Variants in TLL2 observed in about 807,000 individuals in gnomAD.
TLL2 encodes tolloid like 2.
Under a neutral mutation model 123.0 loss-of-function variants are expected in TLL2, and 106 were observed. The observed-to-expected ratio is 0.86, with a 90% CI of 0.74 to 1.01. TLL2 has a LOEUF of 1.01. Among genes scored for constraint, TLL2 ranks in the 50% least tolerant of loss-of-function variants. The pLI, the probability that TLL2 is intolerant of heterozygous loss-of-function variation, is 0.00. For missense variants in TLL2, 1,332 were observed against 1,336.7 expected (o/e 1.00, Z 0.06); for synonymous variants, 494 against 516.8 (o/e 0.96, Z 0.60).
intron 19 of TLL2, 36 bp from the exon 20 acceptor site, chr10:96,370,351 A>C (rs1401333364): frequency 6.6e-7 from 1 of 1,518,152 alleles, no homozygotes; most frequent in Non-Finnish European, 8.8e-7. Flanking sequence ...CCCTCAGCAC[A>C]AGACACCCTC....
intron 15 of TLL2, 72 bp from the exon 16 acceptor site, chr10:96,384,839 C>T: frequency 7.0e-7 from 1 of 1,420,692 alleles, no homozygotes; most frequent in Non-Finnish European, 9.4e-7. Flanking sequence ...CACTGCTGCA[C>T]CTGCTTCCTG....
chr10:96,483,696 C>G (rs76068750), intron 1 of TLL2, among the ~76,000 whole-genome samples: 1,613 of 152,124 alleles, frequency 0.011, 47 homozygotes, highest in South Asian at 0.1. Flanking sequence ...GTTGTATATA[C>G]GGGAGGAGAA....
intron 16 of TLL2, among the ~76,000 whole-genome samples, chr10:96,379,847 G>A (rs1846170662): frequency 6.6e-6 from 1 of 152,182 alleles, no homozygotes; most frequent in African/African-American, 2.4e-5. Flanking sequence ...ACAAAAACAA[G>A]TAAGGAAACT....
At chr10:96,491,394 AAAAAGAAAAG>A (rs1564918382) in intron 1 of TLL2, among the ~76,000 whole-genome samples, 1 of 149,168 alleles carries the variant, frequency 6.7e-6, no homozygotes, top group African/African-American at 2.5e-5. Context: ...AAAAAAAAAA[AAAAAGAAAAG>A]AAAAGAAAAG....
chr10:96,495,877 G>A (rs1847469960), intron 1 of TLL2, among the ~76,000 whole-genome samples: 1 of 152,172 alleles, frequency 6.6e-6, no homozygotes, highest in Admixed American at 6.6e-5. Context: ...CAAGCATACG[G>A]CAGAGAGGAG....
In TLL2 at chr10:96,421,057, C is replaced by G. The variant is rs1589418362; in HGVS notation, c.822G>C (p.Gln274His). 6.2e-7 allele frequency: 1 copy of G among 1,613,448 alleles called. No individual in the cohort carries two copies. The highest frequency in any genetic ancestry group is 2.2e-5 in the East Asian group (1 of 44,876). The change falls in exon 7 of 21, where the codon CAG (glutamine) becomes CAC (histidine). Residue 274 changes from glutamine to histidine, a missense_variant. Physicochemically the swap from Gln to His is conservative, Grantham distance 24 (BLOSUM62 0). Transcript: ENST00000357947. Reference protein sequence around the residue: ...TIIRENIQPGQEYNFLKMEAG... With the variant: ...TIIRENIQPGHEYNFLKMEAG... ...CTTCCATTTTTAAGAAATTATACTCCTGACCTGTGACACAACACTGTGTTA... is the reference window on the plus strand; with the variant it reads ...CTTCCATTTTTAAGAAATTATACTCGTGACCTGTGACACAACACTGTGTTA...
chr10:96,430,023 G>A (rs918559601), intron 4 of TLL2, among the ~76,000 whole-genome samples: 1 of 152,184 alleles, frequency 6.6e-6, no homozygotes, highest in Non-Finnish European at 1.5e-5. Context: ...GGAGTTGGAG[G>A]TCTGAGTTCT....
chr10:96,373,212 G>T, intron 19 of TLL2: 1 of 234,162 alleles, frequency 4.3e-6, no homozygotes, highest in South Asian at 6.6e-5. Flanking sequence ...GCACGATCTT[G>T]GCTCACTGCA....
intron 17 of TLL2, 84 bp downstream of exon 17, chr10:96,378,883 T>G (rs10786286): frequency 1 from 1,556,046 of 1,563,596 alleles, 774,559 homozygotes; most frequent in East Asian, 1. Context: ...TCGCCGCACC[T>G]CCTTACTCAT....
In TLL2 at chr10:96,376,763, G is replaced by A; in HGVS notation, c.2377C>T (p.Pro793Ser). The A allele has an allele frequency of 6.9e-6, 11 of 1,597,956 alleles. No individual in the cohort carries two copies. Among genetic ancestry groups the A allele is most frequent in the Non-Finnish European group, 9.4e-6 (11 of 1,173,454 alleles). The stretch of plus-strand genomic sequence containing the variant: ...TCCCTCCGGCTGGGGTATTTGTCAG[G>A]CCAGTTGGGGCTCGCCAGGGTCCCC... ...VEGTLASPNWPDKYPSRRECT... is the reference protein window; with the variant it reads ...VEGTLASPNWSDKYPSRRECT... The change falls in exon 18 of 21, where the codon CCT becomes TCT. Residue 793 changes from proline to serine, a missense_variant. By Grantham distance (74) the Pro-to-Ser change is moderately conservative. Coordinates refer to ENST00000357947, the MANE Select transcript of TLL2 (RefSeq NM_012465.4).
intron 2 of TLL2, among the ~76,000 whole-genome samples, chr10:96,450,599 T>C (rs1176468645): frequency 6.6e-6 from 1 of 152,216 alleles, no homozygotes; most frequent in Non-Finnish European, 1.5e-5. Context: ...GACATGGACT[T>C]GGAGACAGAC....
chr10:96,477,028 T>C (rs1433597329), intron 2 of TLL2, among the ~76,000 whole-genome samples: 1 of 116,732 alleles, frequency 8.6e-6, no homozygotes, highest in East Asian at 2.3e-4. Context: ...TATGAGCTAC[T>C]GGACTTTTTT....
intron 9 of TLL2, among the ~76,000 whole-genome samples, chr10:96,405,589 C>T (rs908779349): frequency 3.3e-5 from 5 of 152,108 alleles, no homozygotes; most frequent in Non-Finnish European, 5.9e-5. Context: ...CTTTTGAAGT[C>T]ACTAGGTGGT....
At chr10:96,387,740 G>T (rs1187109115) in intron 13 of TLL2, among the ~76,000 whole-genome samples, 1 of 152,158 alleles carries the variant, frequency 6.6e-6, no homozygotes, top group Non-Finnish European at 1.5e-5. Flanking sequence ...GCCTAGTGAT[G>T]CGTTTGGGGC....
In TLL2 at chr10:96,422,576, T is replaced by C. The variant is rs763438426; in HGVS notation, c.790A>G (p.Thr264Ala). ...HTRPDRDQHVTIIRENIQPGQ... is the reference protein window; with the variant it reads ...HTRPDRDQHVAIIRENIQPGQ... ...GGCTGGATGTTTTCCCTGATGATGG[T>C]GACATGTTGGTCTCTGTCTGGCCGG... The change falls in exon 6 of 21, where the codon ACC becomes GCC. Residue 264 changes from threonine (T) to alanine (A), a missense_variant. Thr to Ala is a moderately conservative substitution (Grantham distance 58). Coordinates refer to ENST00000357947, the MANE Select transcript of TLL2 (RefSeq NM_012465.4). 6.2e-7 allele frequency: 1 copy of C among 1,614,130 alleles called. No individual in the cohort carries two copies. The highest frequency in any genetic ancestry group is 8.5e-7 in the Non-Finnish European group (1 of 1,180,026).
intron 19 of TLL2, 180 bp downstream of exon 19, chr10:96,373,416 C>T (rs1428515751): frequency 2.5e-5 from 15 of 597,546 alleles, no homozygotes; most frequent in Non-Finnish European, 4.0e-5. Context: ...GCTGGGATTA[C>T]AGGCATGAGC....
intron 1 of TLL2, among the ~76,000 whole-genome samples, chr10:96,495,559 G>T (rs1477467686): frequency 6.6e-6 from 1 of 152,132 alleles, no homozygotes; most frequent in Non-Finnish European, 1.5e-5. Flanking sequence ...TCATGGGATG[G>T]TGTTAATGGG....
At position 96,395,266 on chromosome 10, in the gene TLL2, C is replaced by T. The variant is rs368020235; in HGVS notation, c.1647G>A (p.Ser549=). The part of the protein sequence containing the change: ...CGYEKPEDVK[S]SSNRLWMKFV... ...ACTTCATCCACAGTCTGTTGGAGCT[C>T]GATTTCACATCCTCCGGCTTCTCAT... Residue 549 remains serine, a synonymous_variant, in exon 13 of 21, where the codon TCG becomes TCA. Transcript: ENST00000357947. 8.1e-6 allele frequency: 13 copies of T among 1,614,000 alleles called. No homozygotes were observed. Among genetic ancestry groups the T allele is most frequent in the South Asian group, 6.6e-5 (6 of 91,040 alleles).
intron 16 of TLL2, among the ~76,000 whole-genome samples, chr10:96,381,328 C>A (rs576806445): frequency 6.6e-6 from 1 of 152,202 alleles, no homozygotes; most frequent in Non-Finnish European, 1.5e-5. Flanking sequence ...CCTGTTTCAT[C>A]GGGTCCCTAC....
Sources: gnomAD v4.1 joint callset for allele counts (sites outside exome capture counted in the v4.1 genomes callset) on GRCh38, gnomAD v4.1.1 for gene constraint, MANE v1.5 for transcripts, NCBI Gene and HGNC (gene_info 2026-07-23, HGNC 2026-07-21) for gene names.